LSAMP: variants seen among roughly 807,000 people sequenced by gnomAD.
LSAMP encodes limbic system associated membrane protein.
LSAMP carries 7 observed loss-of-function variants against 38.6 expected under a neutral mutation model. The observed-to-expected ratio is 0.18, with a 90% CI of 0.10 to 0.34. The LOEUF (loss-of-function observed/expected upper bound fraction) is 0.34, where lower values mean the gene tolerates loss of function less well. Ranked by LOEUF, LSAMP falls within the 10% of genes least tolerant of loss-of-function variation. The probability of loss-of-function intolerance (pLI) is 1.00; values close to 1 mark genes in which losing one functional copy is unlikely to be tolerated. For missense variants in LSAMP, 313 were observed against 420.0 expected, an observed-to-expected ratio of 0.75 and a Z score of 2.23; for synonymous variants, 154 against 166.8, an observed-to-expected ratio of 0.92 and a Z score of 0.59.
intron 1 of LSAMP, among the ~76,000 whole-genome samples, chr3:116,434,002 A>C (rs1374445277): frequency 6.6e-6 from 1 of 152,212 alleles, no homozygotes; most frequent in Non-Finnish European, 1.5e-5. Context: ...TTTCCAAAAA[A>C]ATAAAATTCC....
At chr3:116,246,338 T>C (rs1345781571) in intron 1 of LSAMP, among the ~76,000 whole-genome samples, 1 of 152,170 alleles carries the variant, frequency 6.6e-6, no homozygotes, top group Admixed American at 6.5e-5. Flanking sequence ...GGAGCATAAA[T>C]ATATATTAAA....
intron 6 of LSAMP, among the ~76,000 whole-genome samples, chr3:115,827,012 C>A (rs1316161825): frequency 6.9e-6 from 1 of 145,298 alleles, no homozygotes; most frequent in Non-Finnish European, 1.5e-5. Context: ...CAGCGATAAA[C>A]TTACCTGTGT....
chr3:115,866,566 A>G (rs1935867011), intron 3 of LSAMP, among the ~76,000 whole-genome samples: 1 of 152,136 alleles, frequency 6.6e-6, no homozygotes, highest in Admixed American at 6.6e-5. Context: ...AGGGCTACTG[A>G]CCTTCTCAAG....
intron 1 of LSAMP, among the ~76,000 whole-genome samples, chr3:116,435,523 C>T (rs1025651599): frequency 2.6e-5 from 4 of 152,160 alleles, no homozygotes; most frequent in African/African-American, 9.7e-5. Flanking sequence ...CTCACTCTCA[C>T]TGCTCAGAAA....
At chr3:116,231,169 G>A (rs567112796) in intron 1 of LSAMP, among the ~76,000 whole-genome samples, 42 of 152,300 alleles carry the variant, frequency 2.8e-4, no homozygotes, top group Non-Finnish European at 4.9e-4. Context: ...AATGGGCTGC[G>A]AAATTGGCTT....
At chr3:115,871,487 T>A (rs1936031335) in intron 3 of LSAMP, among the ~76,000 whole-genome samples, 1 of 152,008 alleles carries the variant, frequency 6.6e-6, no homozygotes, top group Non-Finnish European at 1.5e-5. Flanking sequence ...ATATTAGCAG[T>A]GCAGTGCTGA....
At chr3:116,374,168 A>G (rs151047007) in intron 1 of LSAMP, among the ~76,000 whole-genome samples, 33 of 152,058 alleles carry the variant, frequency 2.2e-4, no homozygotes, top group Middle Eastern at 3.4e-3. Context: ...ATTAACAATC[A>G]CTTTTTAGAA....
chr3:116,119,353 A>G (rs1336263470), intron 1 of LSAMP, among the ~76,000 whole-genome samples: 2 of 152,094 alleles, frequency 1.3e-5, no homozygotes, highest in Non-Finnish European at 2.9e-5. Flanking sequence ...GAAATATTAC[A>G]TGACTATATA....
intron 3 of LSAMP, among the ~76,000 whole-genome samples, chr3:115,867,563 A>T (rs976258367): frequency 2.0e-5 from 3 of 152,100 alleles, no homozygotes; most frequent in Admixed American, 6.6e-5. Flanking sequence ...GCAGAAAAAC[A>T]TGAGGGAGAA....
At chr3:116,017,921 A>G (rs1266438340) in intron 3 of LSAMP, among the ~76,000 whole-genome samples, 7 of 152,164 alleles carry the variant, frequency 4.6e-5, no homozygotes, top group African/African-American at 1.4e-4. Flanking sequence ...AGTAAAAGCA[A>G]TGCTACTTGG....
chr3:116,284,393 G>A (rs7645165), intron 1 of LSAMP, among the ~76,000 whole-genome samples: 30,532 of 152,008 alleles, frequency 0.2, 6,107 homozygotes, highest in African/African-American at 0.52. Context: ...AATAATTTTT[G>A]TCTAGGAGAT....
At chr3:116,114,158 A>G (rs564410338) in intron 1 of LSAMP, among the ~76,000 whole-genome samples, 15 of 152,290 alleles carry the variant, frequency 9.8e-5, no homozygotes, top group African/African-American at 3.6e-4. Flanking sequence ...CATCATTCCT[A>G]TAGACTCCAA....
At chr3:116,375,403 G>C (rs973818784) in intron 1 of LSAMP, among the ~76,000 whole-genome samples, 1 of 151,794 alleles carries the variant, frequency 6.6e-6, no homozygotes, top group East Asian at 1.9e-4. Context: ...TATTCGATTA[G>C]AGAAAAAGGA....
intron 1 of LSAMP, among the ~76,000 whole-genome samples, chr3:116,254,304 A>G (rs2046722471): frequency 6.6e-6 from 1 of 152,172 alleles, no homozygotes; most frequent in Non-Finnish European, 1.5e-5. Flanking sequence ...TTTATATACA[A>G]TTTCACTCAC....
At chr3:115,846,550 G>C (rs897334561) in intron 4 of LSAMP, among the ~76,000 whole-genome samples, 1 of 152,058 alleles carries the variant, frequency 6.6e-6, no homozygotes, top group Non-Finnish European at 1.5e-5. Flanking sequence ...ATTAGCCCTA[G>C]GAAGTAAATA....
At chr3:116,244,788 G>C (rs1477318619) in intron 1 of LSAMP, among the ~76,000 whole-genome samples, 4 of 152,048 alleles carry the variant, frequency 2.6e-5, no homozygotes, top group Admixed American at 2.6e-4. Context: ...GAATAAATGG[G>C]CAATGACCTC....
At chr3:116,148,895 T>C (rs748170254) in intron 1 of LSAMP, among the ~76,000 whole-genome samples, 1 of 152,022 alleles carries the variant, frequency 6.6e-6, no homozygotes, top group Non-Finnish European at 1.5e-5. Context: ...TACTCTCTGC[T>C]ATCTGCAATC....
At chr3:115,862,525 G>A (rs1192486981) in intron 3 of LSAMP, among the ~76,000 whole-genome samples, 1 of 152,192 alleles carries the variant, frequency 6.6e-6, no homozygotes, top group Non-Finnish European at 1.5e-5. Flanking sequence ...TGCTGAATGA[G>A]TTATTTGATC....
At chr3:116,344,705 A>G (rs2048041039) in intron 1 of LSAMP, among the ~76,000 whole-genome samples, 1 of 152,130 alleles carries the variant, frequency 6.6e-6, no homozygotes, top group Non-Finnish European at 1.5e-5. Context: ...CTTTCTATGC[A>G]TATTTAATCA....
Sources: allele counts gnomAD v4.1 joint callset (sites outside exome capture counted in the v4.1 genomes callset), GRCh38; gene constraint gnomAD v4.1.1; transcripts MANE v1.5; gene names NCBI Gene and HGNC (gene_info 2026-07-23, HGNC 2026-07-21).